The following RAD54B variants were observed in gnomAD, a reference collection of about 807,000 sequenced individuals.
RAD54B encodes the protein RAD54 homolog B.
RAD54B carries 78 observed loss-of-function variants against 95.8 expected under a neutral mutation model. The ratio of observed to expected loss-of-function variants is 0.81; its 90% CI spans 0.68 to 0.98. The LOEUF is 0.98. Among genes scored for constraint, RAD54B ranks in the 50% least tolerant of loss-of-function variants. The pLI is 0.00. For synonymous variants in RAD54B, 328 were observed against 354.9 expected, an observed-to-expected ratio of 0.92 and a Z score of 0.85; for missense variants, 957 against 1,056.6, an observed-to-expected ratio of 0.91 and a Z score of 1.31.
intron 14 of RAD54B, 102 bp downstream of exon 14, chr8:94,378,078 G>T: frequency 1.2e-6 from 1 of 863,428 alleles, no homozygotes. Context: ...ACTAACATAT[G>T]CAAATGGTAA....
intron 2 of RAD54B, among the ~76,000 whole-genome samples, chr8:94,459,951 G>A (rs1256521527): frequency 6.6e-6 from 1 of 151,762 alleles, no homozygotes; most frequent in Non-Finnish European, 1.5e-5. Flanking sequence ...GAGGTCAGGA[G>A]ATCGAGACCA....
chr8:94,412,474 G>C (rs939925411), intron 3 of RAD54B, among the ~76,000 whole-genome samples: 6 of 151,400 alleles, frequency 4.0e-5, no homozygotes, highest in African/African-American at 1.2e-4. Context: ...GTAGAAATGA[G>C]AATAAATATT....
At chr8:94,422,617 A>AAAATATAT in intron 3 of RAD54B, among the ~76,000 whole-genome samples, 2 of 43,568 alleles carry the variant, frequency 4.6e-5, no homozygotes, top group Non-Finnish European at 7.8e-5. Flanking sequence ...AAAAAAAAAA[A>AAAATATAT]ATATATATAT....
At position 94,401,009 on chromosome 8, in the gene RAD54B, G is replaced by GT. The variant is rs200884820; in HGVS notation, c.945-547dup. Among the ~76,000 whole-genome samples the GT allele has an allele frequency of 5.1e-4, 78 of 152,134 alleles. 1 individual carries two copies. The East Asian group carries it at 0.013, about 26-fold the overall frequency. On this transcript the variant is annotated intron_variant, in intron 6 of 14. Transcript: ENST00000336148. The stretch of plus-strand genomic sequence containing the variant: ...AAAGTTGTTATCCTACAGACCTACT[G>GT]TTATATAATTTAAAATTAAATGTTA...
chr8:94,387,301 G>A, intron 10 of RAD54B, 142 bp from the exon 11 acceptor site: 3 of 637,916 alleles, frequency 4.7e-6, no homozygotes, highest in Non-Finnish European at 7.6e-6. Flanking sequence ...AATCTTTATA[G>A]GTCATGATTT....
At chr8:94,454,298 A>G (rs1812733531) in intron 3 of RAD54B, among the ~76,000 whole-genome samples, 1 of 152,178 alleles carries the variant, frequency 6.6e-6, no homozygotes, top group Non-Finnish European at 1.5e-5. Flanking sequence ...TGACTATTTA[A>G]TTGATCTGGG....
At chr8:94,455,331 A>T (rs74915898) in intron 3 of RAD54B, among the ~76,000 whole-genome samples, 1,593 of 152,302 alleles carry the variant, frequency 0.01, 30 homozygotes, top group African/African-American at 0.036. Flanking sequence ...AGAAAACTGT[A>T]AGTTTCTCAG....
chr8:94,461,415 T>C (rs1812901253), intron 2 of RAD54B, among the ~76,000 whole-genome samples: 1 of 151,738 alleles, frequency 6.6e-6, no homozygotes. Flanking sequence ...GTGATCCGCC[T>C]GCCTCAGCCT....
At chr8:94,423,909 T>C (rs1811880718) in intron 3 of RAD54B, among the ~76,000 whole-genome samples, 1 of 152,170 alleles carries the variant, frequency 6.6e-6, no homozygotes, top group Admixed American at 6.5e-5. Context: ...TATTAGGTTA[T>C]CCAAGAGAAA....
intron 3 of RAD54B, among the ~76,000 whole-genome samples, chr8:94,411,936 T>A (rs764563372): frequency 6.6e-6 from 1 of 152,152 alleles, no homozygotes; most frequent in Non-Finnish European, 1.5e-5. Context: ...TACATTGTTA[T>A]TAACTATAGT....
At chr8:94,417,520 G>A (rs562961074) in intron 3 of RAD54B, among the ~76,000 whole-genome samples, 1 of 148,872 alleles carries the variant, frequency 6.7e-6, no homozygotes, top group Admixed American at 6.7e-5. Flanking sequence ...TGCTAATAAA[G>A]ATATAGAGCA....
At chr8:94,377,057 A>G (rs1166985122) in intron 14 of RAD54B, among the ~76,000 whole-genome samples, 1 of 152,060 alleles carries the variant, frequency 6.6e-6, no homozygotes, top group East Asian at 1.9e-4. Flanking sequence ...TCTATTCTGG[A>G]GGGTAAATTT....
intron 6 of RAD54B, among the ~76,000 whole-genome samples, chr8:94,401,249 T>C (rs1351876405): frequency 6.6e-6 from 1 of 152,120 alleles, no homozygotes; most frequent in Non-Finnish European, 1.5e-5. Context: ...ATGTTATAAA[T>C]GAGTGTGCCT....
At chr8:94,383,602 C>A (rs369036176) in intron 11 of RAD54B, among the ~76,000 whole-genome samples, 1 of 152,168 alleles carries the variant, frequency 6.6e-6, no homozygotes, top group Non-Finnish European at 1.5e-5. Context: ...TAATCTCTTA[C>A]TGTGCCTAAT....
At chr8:94,385,375 A>G (rs1305301126) in intron 11 of RAD54B, among the ~76,000 whole-genome samples, 1 of 149,258 alleles carries the variant, frequency 6.7e-6, no homozygotes, top group African/African-American at 2.6e-5. Flanking sequence ...GTTAAAAAAA[A>G]AAAGATAATA....
chr8:94,440,528 CATCGA>C (rs2130132748), intron 3 of RAD54B, among the ~76,000 whole-genome samples: 1 of 152,240 alleles, frequency 6.6e-6, no homozygotes, highest in African/African-American at 2.4e-5. Flanking sequence ...TGGTAAAAGA[CATCGA>C]ATAATTTTTT....
chr8:94,392,002 C>T, intron 9 of RAD54B, 103 bp from the exon 10 acceptor site: 1 of 1,115,034 alleles, frequency 9.0e-7, no homozygotes, highest in Non-Finnish European at 1.3e-6. Context: ...TCATTGCTTC[C>T]CAACAAATTT....
At chr8:94,447,103 C>T (rs1413904438) in intron 3 of RAD54B, among the ~76,000 whole-genome samples, 1 of 152,078 alleles carries the variant, frequency 6.6e-6, no homozygotes. Flanking sequence ...TGGTGATATT[C>T]TGTGATGTTA....
chr8:94,378,690 A>T (rs534302385), intron 12 of RAD54B, 56 bp from the exon 13 acceptor site: 1 of 1,208,680 alleles, frequency 8.3e-7, no homozygotes, highest in African/African-American at 1.5e-5. Context: ...GGCCCCTTCC[A>T]CACATGCAAT....
Sources: allele counts gnomAD v4.1 joint callset (sites outside exome capture counted in the v4.1 genomes callset), GRCh38; gene constraint gnomAD v4.1.1; transcripts MANE v1.5; gene names NCBI Gene and HGNC (gene_info 2026-07-23, HGNC 2026-07-21).